FRMPD4: variants seen among roughly 807,000 people sequenced by gnomAD.
The protein encoded by FRMPD4 is FERM and PDZ domain-containing protein 4.
FRMPD4 carries 22 observed loss-of-function variants against 94.1 expected under a neutral mutation model. That is an observed-to-expected ratio of 0.23 (90% CI 0.17 to 0.33). The LOEUF is 0.33. FRMPD4 is among the 10% of genes least tolerant of loss of function. FRMPD4 has a pLI of 1.00. For synonymous variants in FRMPD4, 631 were observed against 548.6 expected (o/e 1.15, Z -2.10); for missense variants, 1,111 against 1,339.9 (o/e 0.83, Z 2.67).
intron 3 of FRMPD4, among the ~76,000 whole-genome samples, chrX:12,091,303 A>G (rs376382982): frequency 5.0e-4 from 56 of 112,046 alleles, no homozygotes; most frequent in African/African-American, 1.7e-3. Flanking sequence ...TAAACCAAGG[A>G]GCAACAAACT....
chrX:12,080,086 G>A (rs2055050196), intron 3 of FRMPD4, among the ~76,000 whole-genome samples: 1 of 112,316 alleles, frequency 8.9e-6, no homozygotes, highest in South Asian at 3.7e-4. Flanking sequence ...TTCTCTGAGT[G>A]CAGATAGAAT....
At chrX:12,486,090 C>G (rs1602012862) in intron 1 of FRMPD4, among the ~76,000 whole-genome samples, 1 of 111,212 alleles carries the variant, frequency 9.0e-6, no homozygotes, top group South Asian at 3.9e-4. Context: ...TCCATCTTGG[C>G]AAATCCCTGC....
intron 5 of FRMPD4, among the ~76,000 whole-genome samples, chrX:12,679,195 A>G (rs113469637): frequency 2.7e-5 from 3 of 112,463 alleles, no homozygotes; most frequent in Non-Finnish European, 5.6e-5. Flanking sequence ...GGAGCAGGCC[A>G]CAAGTGCTGA....
chrX:12,699,935 C>A (rs1241703633), intron 9 of FRMPD4, among the ~76,000 whole-genome samples: 1 of 112,378 alleles, frequency 8.9e-6, no homozygotes, highest in African/African-American at 3.2e-5. Context: ...TTCTTGGCCT[C>A]TCTGAGCAGC....
intron 2 of FRMPD4, among the ~76,000 whole-genome samples, chrX:12,559,285 G>A (rs775190129): frequency 4.9e-4 from 55 of 112,028 alleles, no homozygotes; most frequent in Middle Eastern, 4.7e-3. Context: ...AAGAATATGG[G>A]AGGTGTGGGG....
At chrX:12,605,504 T>G (rs1165619005) in intron 2 of FRMPD4, among the ~76,000 whole-genome samples, 1 of 111,736 alleles carries the variant, frequency 8.9e-6, no homozygotes, top group East Asian at 2.8e-4. Flanking sequence ...TACCCTCTCC[T>G]GTCATCAGCA....
At chrX:11,994,469 C>G (rs2054485661) in intron 3 of FRMPD4, among the ~76,000 whole-genome samples, 1 of 110,922 alleles carries the variant, frequency 9.0e-6, no homozygotes, top group Non-Finnish European at 1.9e-5. Flanking sequence ...ATAGTCAGGA[C>G]CCTATAGATG....
intron 1 of FRMPD4, among the ~76,000 whole-genome samples, chrX:12,373,698 A>C (rs1406693193): frequency 8.9e-6 from 1 of 112,372 alleles, no homozygotes; most frequent in African/African-American, 3.2e-5. Flanking sequence ...TGCTATTTTT[A>C]GAACTTGAGG....
rs181833120 is a variant in FRMPD4 at position 12,522,452 on chromosome X, G to A, written c.158+23656G>A. ...GGACCACATAGAATTCACCTCTGTT[G>A]ACACTAATGCATGTATTGAATAGAG... On this transcript the variant is annotated intron_variant, in intron 2 of 16. Coordinates refer to ENST00000675598, the MANE Select transcript of FRMPD4 (RefSeq NM_001368397.1). 2.0e-3 allele frequency among the ~76,000 whole-genome samples: 219 copies of A among 111,664 alleles called. 3 individuals carry two copies. Among genetic ancestry groups the A allele is most frequent in the Admixed American group, 6.2e-3 (65 of 10,546 alleles).
intron 1 of FRMPD4, among the ~76,000 whole-genome samples, chrX:12,360,129 C>T (rs925060825): frequency 6.2e-5 from 7 of 112,464 alleles, no homozygotes; most frequent in Non-Finnish European, 9.4e-5. Context: ...ATGTTACAAA[C>T]ATAGTGGTTC....
At chrX:12,649,254 A>T (rs1217637979) in intron 4 of FRMPD4, among the ~76,000 whole-genome samples, 1 of 111,902 alleles carries the variant, frequency 8.9e-6, no homozygotes, top group African/African-American at 3.2e-5. Flanking sequence ...GCAGTTCTTT[A>T]TGTGCCCTTA....
intron 2 of FRMPD4, among the ~76,000 whole-genome samples, chrX:12,550,113 C>G (rs1203337532): frequency 9.0e-6 from 1 of 111,081 alleles, no homozygotes; most frequent in Non-Finnish European, 1.9e-5. Flanking sequence ...AGGGTCAATC[C>G]TAGAATCAAA....
At chrX:12,593,374 A>C (rs1022079541) in intron 2 of FRMPD4, among the ~76,000 whole-genome samples, 1 of 112,015 alleles carries the variant, frequency 8.9e-6, no homozygotes, top group Non-Finnish European at 1.9e-5. Context: ...TACTGTTTTA[A>C]GGATAATTTA....
chrX:12,253,107 A>G (rs982137384), intron 1 of FRMPD4, among the ~76,000 whole-genome samples: 1 of 112,057 alleles, frequency 8.9e-6, no homozygotes. Context: ...CAAGCAAGAC[A>G]TGCAGAAGTG....
chrX:12,129,924 T>C (rs2055534125), intron 3 of FRMPD4, among the ~76,000 whole-genome samples: 1 of 112,018 alleles, frequency 8.9e-6, no homozygotes, highest in Admixed American at 9.5e-5. Flanking sequence ...ATCTATCTTA[T>C]ACTCTATTTA....
At chrX:11,841,885 A>G (rs1315474648) in intron 1 of FRMPD4, among the ~76,000 whole-genome samples, 1 of 109,802 alleles carries the variant, frequency 9.1e-6, no homozygotes, top group Non-Finnish European at 1.9e-5. Context: ...TTTTAGGTCT[A>G]ACGTTTAAGT....
chrX:11,889,238 C>A (rs978322098), intron 3 of FRMPD4, among the ~76,000 whole-genome samples: 2 of 112,184 alleles, frequency 1.8e-5, no homozygotes, highest in African/African-American at 6.5e-5. Flanking sequence ...TAGCCCTGAA[C>A]AAATAGGTGC....
chrX:12,392,404 A>T (rs2056489238), intron 1 of FRMPD4, among the ~76,000 whole-genome samples: 1 of 102,884 alleles, frequency 9.7e-6, no homozygotes, highest in Non-Finnish European at 2.0e-5. Flanking sequence ...TAATCCCAGC[A>T]CTTTGGGAGG....
chrX:12,319,620 TC>T (rs1208096905), intron 1 of FRMPD4, among the ~76,000 whole-genome samples: 1 of 111,976 alleles, frequency 8.9e-6, no homozygotes, highest in Non-Finnish European at 1.9e-5. Context: ...AGGCAGGCTG[TC>T]CCCAGACTTA....
Sources: gnomAD v4.1 joint callset for allele counts (sites outside exome capture counted in the v4.1 genomes callset) on GRCh38, gnomAD v4.1.1 for gene constraint, MANE v1.5 for transcripts, NCBI Gene and HGNC (gene_info 2026-07-23, HGNC 2026-07-21) for gene names.